PTK7: variants seen among roughly 807,000 people sequenced by gnomAD.
The protein encoded by PTK7 is inactive tyrosine-protein kinase 7.
PTK7 carries 39 observed loss-of-function variants against 116.6 expected under a neutral mutation model. That is an observed-to-expected ratio of 0.33 (90% CI 0.26 to 0.44). The LOEUF (loss-of-function observed/expected upper bound fraction) is 0.44, where lower values mean the gene tolerates loss of function less well. Among genes scored for constraint, PTK7 ranks in the 20% least tolerant of loss-of-function variants. The pLI is 1.00. For missense variants in PTK7, 1,169 were observed against 1,425.6 expected (o/e 0.82, Z 2.90); for synonymous variants, 546 against 563.6 (o/e 0.97, Z 0.44).
chr6:43,100,344 C>T (rs929519669), intron 1 of PTK7, among the ~76,000 whole-genome samples: 2 of 149,672 alleles, frequency 1.3e-5, no homozygotes, highest in African/African-American at 4.9e-5. Context: ...GATCACACCA[C>T]TGCACTCCAG....
chr6:43,089,544 G>A (rs998097821), intron 1 of PTK7, among the ~76,000 whole-genome samples: 1 of 152,184 alleles, frequency 6.6e-6, no homozygotes, highest in African/African-American at 2.4e-5. Flanking sequence ...AAATGCTGTC[G>A]ATCTCTTAAT....
At position 43,129,074 on chromosome 6, in the gene PTK7, C is replaced by T; in HGVS notation, c.177C>T (p.Gly59=). Residue 59 remains glycine (G), a synonymous_variant, in exon 2 of 20, where the codon GGC becomes GGT. Transcript: ENST00000230419. This position sits in a 1 kb window ranked among gnomAD's most constrained non-coding sequence, Gnocchi z 4.5. ...TTCGCTGTGAGGTTGAGGCTCCGGG[C>T]CCGGTACATGTGTACTGGCTGCTCG... is the stretch of plus-strand genomic sequence containing the variant. ...ALLRCEVEAP[G]PVHVYWLLDG... is the part of the protein sequence containing the mutation. The T allele has an allele frequency of 6.2e-7, 1 of 1,614,222 alleles. No individual in the cohort carries two copies.
At chr6:43,104,862 G>A (rs1218801181) in intron 1 of PTK7, among the ~76,000 whole-genome samples, 3 of 146,686 alleles carry the variant, frequency 2.0e-5, no homozygotes, top group African/African-American at 7.7e-5. Context: ...GCCCAGGCTG[G>A]AGTGCAGTGG....
At position 43,158,919 on chromosome 6, in the gene PTK7, A is replaced by G. The variant is rs1771672851; in HGVS notation, c.2824A>G (p.Arg942Gly). 2 of 1,614,082 alleles carry G rather than the reference A, an allele frequency of 1.2e-6. No individual in the cohort carries two copies. The highest frequency in any genetic ancestry group is 1.7e-6 in the Non-Finnish European group (2 of 1,180,042). The change falls in exon 18 of 20, where the codon AGA (arginine) becomes GGA (glycine). Residue 942 changes from arginine (R) to glycine (G), a missense_variant. Physicochemically the swap from Arg to Gly is moderately radical, Grantham distance 125. Coordinates refer to ENST00000230419, the MANE Select transcript of PTK7 (RefSeq NM_002821.5). Reference protein sequence around the residue: ...AARNCLVSAQRQVKVSALGLS... With the variant: ...AARNCLVSAQGQVKVSALGLS... Reference sequence around the variant, plus strand: ...GCGTAACTGCCTGGTCAGTGCCCAGAGACAAGTGAAGGTGTCTGCCCTGGG... The same window carrying G: ...GCGTAACTGCCTGGTCAGTGCCCAGGGACAAGTGAAGGTGTCTGCCCTGGG...
intron 1 of PTK7, among the ~76,000 whole-genome samples, chr6:43,112,241 G>GTTTT (rs1385420758): frequency 2.1e-5 from 3 of 143,512 alleles, no homozygotes; most frequent in South Asian, 2.3e-4. Flanking sequence ...CTGCTAGCCA[G>GTTTT]TTTTATTTAT....
intron 1 of PTK7, among the ~76,000 whole-genome samples, chr6:43,114,740 G>A (rs1284007154): frequency 6.6e-6 from 1 of 152,092 alleles, no homozygotes; most frequent in Non-Finnish European, 1.5e-5. Context: ...CTGTCCTTAG[G>A]CTTTTGGCAT....
intron 17 of PTK7, among the ~76,000 whole-genome samples, chr6:43,147,046 A>G (rs575196628): frequency 2.6e-5 from 4 of 152,212 alleles, no homozygotes; most frequent in Non-Finnish European, 4.4e-5. Context: ...ATGAGCTCTG[A>G]GCTGGAGAAG....
In PTK7 at chr6:43,076,508, C is replaced by T. The variant is rs908656636; in HGVS notation, c.20C>T (p.Ser7Phe). MGAARG[S>F]PARPRRLPLL... ...GCCGCGATGGGAGCTGCGCGGGGAT[C>T]CCCGGCCAGACCCCGCCGGTTGCCT... The change falls in exon 1 of 20, where the codon TCC becomes TTC. Residue 7 changes from serine to phenylalanine, a missense_variant. Ser to Phe is a radical substitution (Grantham distance 155). This residue lies in a region of PTK7 where 487 missense variants were observed against 549.8 expected (regional missense o/e 0.89). Transcript: ENST00000230419. The surrounding 1 kb of genome is among the most constrained non-coding windows in gnomAD (Gnocchi z 5.7). The T allele has an allele frequency of 6.4e-7, 1 of 1,573,194 alleles. No homozygotes were observed. Among genetic ancestry groups the T allele is most frequent in the Non-Finnish European group, 8.6e-7 (1 of 1,164,356 alleles).
rs1256260582 is a variant in PTK7, at chr6:43,141,263, G to A, written c.1619-405G>A. 6.6e-6 allele frequency among the ~76,000 whole-genome samples: 1 copy of A among 152,168 alleles called. No homozygotes were observed. The highest frequency in any genetic ancestry group is 6.5e-5 in the Admixed American group (1 of 15,268). ...GTGAGAGAGTACAGTTGTAGATTCT[G>A]AGGAGGAAGTAGGCTCCCTCTGCTC... is the stretch of plus-strand genomic sequence containing the variant. On this transcript the variant is annotated intron_variant, in intron 10 of 19. Coordinates refer to ENST00000230419, the MANE Select transcript of PTK7 (RefSeq NM_002821.5). The surrounding 1 kb of genome is among the most constrained non-coding windows in gnomAD (Gnocchi z 4.9).
rs1361411178 is a variant in PTK7 at position 43,141,968 on chromosome 6, T to C, written c.1806T>C (p.Thr602=). 1 of 1,613,330 alleles carries C rather than the reference T, an allele frequency of 6.2e-7. No individual in the cohort carries two copies. The highest frequency in any genetic ancestry group is 1.3e-5 in the African/African-American group (1 of 74,862). Residue 602 remains threonine (T), a synonymous_variant, in exon 12 of 20, where the codon ACT becomes ACC. Coordinates refer to ENST00000230419, the MANE Select transcript of PTK7 (RefSeq NM_002821.5). The surrounding 1 kb of genome is among the most constrained non-coding windows in gnomAD (Gnocchi z 4.9). Reference sequence around the variant, plus strand: ...TCAAAGTGGAACCAGAGCGTACGACTGTGTACCAGGGCCACACAGCCCTAC... The same window carrying C: ...TCAAAGTGGAACCAGAGCGTACGACCGTGTACCAGGGCCACACAGCCCTAC... The part of the protein sequence containing the change: ...ITFKVEPERT[T]VYQGHTALLQ...
At chr6:43,157,343 TATATATATATA>T (rs1771508817) in intron 17 of PTK7, among the ~76,000 whole-genome samples, 5 of 41,554 alleles carry the variant, frequency 1.2e-4, no homozygotes, top group Non-Finnish European at 1.6e-4. Flanking sequence ...TATATATATA[TATATATATATA>T]TATATATATA....
chr6:43,110,989 C>CTGT (rs1768165150), intron 1 of PTK7, among the ~76,000 whole-genome samples: 1 of 152,196 alleles, frequency 6.6e-6, no homozygotes, highest in African/African-American at 2.4e-5. Context: ...CACCTAATAA[C>CTGT]TGTTTGTGTT....
At chr6:43,100,321 T>C (rs1767496873) in intron 1 of PTK7, among the ~76,000 whole-genome samples, 1 of 150,250 alleles carries the variant, frequency 6.7e-6, no homozygotes, top group African/African-American at 2.5e-5. Context: ...AGGCGGAGCC[T>C]GCAGTGAGCT....
At chr6:43,118,673 A>G (rs1030075879) in intron 1 of PTK7, among the ~76,000 whole-genome samples, 88 of 114,942 alleles carry the variant, frequency 7.7e-4, no homozygotes, top group African/African-American at 2.9e-3. Flanking sequence ...ATATATATAT[A>G]TATATATATA....
chr6:43,105,322 C>T (rs1232541865), intron 1 of PTK7, among the ~76,000 whole-genome samples: 2 of 150,982 alleles, frequency 1.3e-5, no homozygotes, highest in Non-Finnish European at 2.9e-5. Context: ...ATCTGAATGC[C>T]CATTATTAGG....
chr6:43,076,732 G>T lies in PTK7; in HGVS notation c.79+165G>T. ...CGGCGGAAGGGCGCAAGGAGCCCGG[G>T]TGTCGGGAGGCTGGCGAAGCCTCCA... On this transcript the variant is annotated intron_variant, in intron 1 of 19. Coordinates refer to ENST00000230419, the MANE Select transcript of PTK7 (RefSeq NM_002821.5). The surrounding 1 kb of genome is among the most constrained non-coding windows in gnomAD (Gnocchi z 5.7). The T allele has an allele frequency of 5.8e-6, 8 of 1,376,456 alleles. No homozygotes were observed. Among genetic ancestry groups the T allele is most frequent in the Middle Eastern group, 2.3e-4 (1 of 4,336 alleles). 85.3% of individuals were successfully genotyped at this position (1,376,456 alleles called of 1,614,324 possible).
Position 43,160,906 on chromosome 6 carries a change from T to C in PTK7, c.*25T>C, listed in dbSNP as rs751602854. On this transcript the variant is annotated 3_prime_UTR_variant, in exon 20 of 20. Transcript: ENST00000230419. ...AGGAGGGAGCCCGCTCAGGATGGCC[T>C]GGGCAGGGGAGGACATCTCTAGAGG... 6.2e-7 allele frequency: 1 copy of C among 1,610,758 alleles called. No homozygotes were observed. The highest frequency in any genetic ancestry group is 1.1e-5 in the South Asian group (1 of 90,888).
At chr6:43,096,580 T>C (rs1767271441) in intron 1 of PTK7, among the ~76,000 whole-genome samples, 2 of 152,184 alleles carry the variant, frequency 1.3e-5, no homozygotes, top group Non-Finnish European at 2.9e-5. Flanking sequence ...GCCAGAGTCA[T>C]AAAGAGGTGG....
chr6:43,134,510 G>A (rs767669109), intron 7 of PTK7, among the ~76,000 whole-genome samples: 2 of 152,056 alleles, frequency 1.3e-5, no homozygotes, highest in Non-Finnish European at 2.9e-5. Flanking sequence ...AGCTGGGCGC[G>A]GTGGCTCACG....
Sources: allele counts gnomAD v4.1 joint callset (sites outside exome capture counted in the v4.1 genomes callset), GRCh38; gene constraint gnomAD v4.1.1; regional missense constraint gnomAD v4.1.1; non-coding constraint Gnocchi (gnomAD v3.1); transcripts MANE v1.5; gene names NCBI Gene and HGNC (gene_info 2026-07-23, HGNC 2026-07-21).